Variants in RBBP9 observed in about 807,000 individuals in gnomAD.
The protein encoded by RBBP9 is serine hydrolase RBBP9.
Under a neutral mutation model 24.2 loss-of-function variants are expected in RBBP9, and 20 were observed. The observed-to-expected ratio is 0.83, with a 90% confidence interval of 0.58 to 1.20. The LOEUF (loss-of-function observed/expected upper bound fraction) is 1.20, where lower values mean the gene tolerates loss of function less well. RBBP9 is among the 50% of genes most tolerant of loss of function. The pLI is 0.00. For missense variants in RBBP9, 234 were observed against 233.6 expected (o/e 1.00, Z -0.01); for synonymous variants, 74 against 84.6 (o/e 0.87, Z 0.69).
intron 1 of RBBP9, among the ~76,000 whole-genome samples, chr20:18,496,243 T>C (rs999216035): frequency 7.9e-5 from 12 of 152,166 alleles, no homozygotes; most frequent in African/African-American, 2.9e-4. Context: ...ATACAGAAAT[T>C]TGGAGACAGC....
Position 18,489,777 on chromosome 20 carries a change from T to G in RBBP9, c.548A>C (p.Lys183Thr). 1.2e-6 allele frequency: 2 copies of G among 1,607,376 alleles called. No homozygotes were observed. The highest frequency in any genetic ancestry group is 1.7e-5 in the Admixed American group (1 of 59,982). Residue 183 changes from lysine to threonine, a missense_variant, in exon 5 of 5, where the codon AAA (lysine) becomes ACA (threonine). Coordinates refer to ENST00000337227, the MANE Select transcript of RBBP9 (RefSeq NM_006606.3). ...ELITVVKSLL[K>T]VPA Reference sequence around the variant, plus strand: ...AAATCATACAGTCTATGCTGGTACTTTCAGCAAAGACTTTACAACAGTAAT... The same window carrying G: ...AAATCATACAGTCTATGCTGGTACTGTCAGCAAAGACTTTACAACAGTAAT...
chr20:18,494,631 AC>A (rs1030103875), intron 2 of RBBP9, among the ~76,000 whole-genome samples: 1 of 152,078 alleles, frequency 6.6e-6, no homozygotes, highest in Non-Finnish European at 1.5e-5. Context: ...CAGTGAGCCA[AC>A]ATCACGCCAC....
chr20:18,497,179 G>C lies in RBBP9; in HGVS notation c.-12C>G, dbSNP rs369462555. 5.6e-6 allele frequency: 9 copies of C among 1,606,462 alleles called. No homozygotes were observed. The highest frequency in any genetic ancestry group is 6.8e-6 in the Non-Finnish European group (8 of 1,173,472). On this transcript the variant is annotated 5_prime_UTR_variant, in exon 1 of 5. Coordinates refer to ENST00000337227, the MANE Select transcript of RBBP9 (RefSeq NM_006606.3). Reference sequence around the variant, plus strand: ...CTAGGAGAAGCCATGAGTGCAGCGAGGCCAGAGTTCCCCAGCGCGGGTCCA... The same window carrying C: ...CTAGGAGAAGCCATGAGTGCAGCGACGCCAGAGTTCCCCAGCGCGGGTCCA...
At chr20:18,493,894 G>T in intron 3 of RBBP9, 64 bp downstream of exon 3, 2 of 1,236,450 alleles carry the variant, frequency 1.6e-6, no homozygotes, top group Non-Finnish European at 2.3e-6. Context: ...ATATACGCAA[G>T]GTATTTCTCA....
intron 4 of RBBP9, 136 bp from the exon 5 acceptor site, chr20:18,490,126 T>C: frequency 1.5e-6 from 1 of 683,868 alleles, no homozygotes; most frequent in Middle Eastern, 4.0e-4. Context: ...CTTCTTTTGT[T>C]TTCAAATCTG....
At chr20:18,494,449 T>C (rs1237858904) in intron 2 of RBBP9, among the ~76,000 whole-genome samples, 1 of 151,436 alleles carries the variant, frequency 6.6e-6, no homozygotes, top group Non-Finnish European at 1.5e-5. Flanking sequence ...GAGGCTGAGG[T>C]GGACAGATCA....
intron 3 of RBBP9, among the ~76,000 whole-genome samples, 191 bp downstream of exon 3, chr20:18,493,767 A>C (rs2059873726): frequency 6.6e-6 from 1 of 152,220 alleles, no homozygotes. Context: ...ACTGCATCTC[A>C]ATAAGAGCAG....
rs1406925871 is a variant in RBBP9 at position 18,494,031 on chromosome 20, T to C, written c.175A>G (p.Met59Val). The part of the protein sequence containing the change: ...TARESIWLPF[M>V]ETELHCDEKT... ...TCATCACAGTGCAGCTCTGTCTCCATGAAGGGCAGCCAGATGCTCTCTCGT... is the reference window on the plus strand; with the variant it reads ...TCATCACAGTGCAGCTCTGTCTCCACGAAGGGCAGCCAGATGCTCTCTCGT... Residue 59 changes from methionine to valine, a missense_variant, in exon 3 of 5, where the codon ATG becomes GTG. Physicochemically the swap from Met to Val is conservative, Grantham distance 21 (BLOSUM62 1). Coordinates refer to ENST00000337227, the MANE Select transcript of RBBP9 (RefSeq NM_006606.3). 6.2e-7 allele frequency: 1 copy of C among 1,613,836 alleles called. No homozygotes were observed. Among genetic ancestry groups the C allele is most frequent in the Non-Finnish European group, 8.5e-7 (1 of 1,179,944 alleles).
Position 18,490,265 on chromosome 20 carries a change from G to A in RBBP9, c.334+130C>T. ...AGTGCAAACTTATATCCAAAGATAGGTGGTATATCTTTCTCATATGCTATT... is the reference window on the plus strand; with the variant it reads ...AGTGCAAACTTATATCCAAAGATAGATGGTATATCTTTCTCATATGCTATT... On this transcript the variant is annotated intron_variant, in intron 4 of 4. Coordinates refer to ENST00000337227, the MANE Select transcript of RBBP9 (RefSeq NM_006606.3). The A allele has an allele frequency of 2.6e-5, 19 of 718,788 alleles. 1 individual carries two copies. The South Asian group carries it at 3.2e-4, about 12-fold the overall frequency. 44.5% of individuals were successfully genotyped at this position (718,788 alleles called of 1,614,324 possible). A position where few individuals can be genotyped will look rare whatever the true frequency, so the allele number is the denominator to read the frequency against.
intron 3 of RBBP9, 44 bp downstream of exon 3, chr20:18,493,914 G>T: frequency 1.4e-6 from 2 of 1,438,190 alleles, no homozygotes; most frequent in South Asian, 2.4e-5. Flanking sequence ...AAGCAAGCAT[G>T]ACTGGAGCCC....
At chr20:18,492,218 C>T (rs2059868843) in intron 3 of RBBP9, among the ~76,000 whole-genome samples, 2 of 151,732 alleles carry the variant, frequency 1.3e-5, no homozygotes, top group Non-Finnish European at 1.5e-5. Flanking sequence ...ACCACTATTA[C>T]ACCCAATAAA....
At chr20:18,490,534 A>G (rs1334042931) in intron 3 of RBBP9, 54 bp from the exon 4 acceptor site, 9 of 1,329,378 alleles carry the variant, frequency 6.8e-6, no homozygotes, top group Non-Finnish European at 9.7e-6. Flanking sequence ...CTGATCACCA[A>G]AAAGTCAATA....
In RBBP9 at chr20:18,493,723, T is replaced by C. The variant is rs16979241; in HGVS notation, c.248+235A>G. Among the ~76,000 whole-genome samples, 391 of 152,342 alleles carry C rather than the reference T, an allele frequency of 2.6e-3. 7 individuals are homozygous for C. Among genetic ancestry groups the C allele is most frequent in the Admixed American group, 0.021 (324 of 15,298 alleles). Reference sequence around the variant, plus strand: ...TCAGAGCTGACTGATGGGAAGCTACTGGGGTTTGCAGCCACTTATGCTTTA... The same window carrying C: ...TCAGAGCTGACTGATGGGAAGCTACCGGGGTTTGCAGCCACTTATGCTTTA... On this transcript the variant is annotated intron_variant, in intron 3 of 4. Coordinates refer to ENST00000337227, the MANE Select transcript of RBBP9 (RefSeq NM_006606.3).
chr20:18,493,061 A>C (rs2059871423), intron 3 of RBBP9, among the ~76,000 whole-genome samples: 1 of 152,228 alleles, frequency 6.6e-6, no homozygotes, highest in African/African-American at 2.4e-5. Flanking sequence ...TGACAGCCTA[A>C]GTGACTGCTT....
Position 18,490,288 on chromosome 20 carries a change from A to G in RBBP9, c.334+107T>C, listed in dbSNP as rs902594820. 3 of 843,270 alleles carry G rather than the reference A, an allele frequency of 3.6e-6. No homozygotes were observed. In the Admixed American group the frequency reaches 6.4e-5, roughly 18 times the overall value. The allele number at this position is 843,270 out of a possible 1,614,324, so 52.2% of individuals were successfully genotyped here. A position where few individuals can be genotyped will look rare whatever the true frequency, so the allele number is the denominator to read the frequency against. On this transcript the variant is annotated intron_variant, in intron 4 of 4. Coordinates refer to ENST00000337227, the MANE Select transcript of RBBP9 (RefSeq NM_006606.3). The stretch of plus-strand genomic sequence containing the variant: ...AGGTGGTATATCTTTCTCATATGCT[A>G]TTAGAATTTTTTAGCCTATCTGAAA...
chr20:18,495,960 C>T (rs2059885355), intron 1 of RBBP9, 80 bp from the exon 2 acceptor site: 3 of 1,172,292 alleles, frequency 2.6e-6, no homozygotes, highest in Non-Finnish European at 3.6e-6. Flanking sequence ...AATGAGGCAC[C>T]TGATATGATC....
At position 18,487,858 on chromosome 20, in the gene RBBP9, G is replaced by A. The variant is rs930080868; in HGVS notation, c.*1906C>T. The A allele has an allele frequency of 1.3e-5, 2 of 152,242 alleles. No individual in the cohort carries two copies. The highest frequency in any genetic ancestry group is 4.8e-5 in the African/African-American group (2 of 41,452). 9.4% of individuals were successfully genotyped at this position (152,242 alleles called of 1,614,324 possible). ...TTCACACTACTTGGGAGGCTGAGAT[G>A]AGAATCACTTGAACCCGGGAGGTGC... is the stretch of plus-strand genomic sequence containing the variant. On this transcript the variant is annotated 3_prime_UTR_variant, in exon 5 of 5. Transcript: ENST00000337227.
intron 3 of RBBP9, among the ~76,000 whole-genome samples, chr20:18,492,714 C>T (rs772932347): frequency 1.7e-4 from 26 of 152,192 alleles, no homozygotes; most frequent in Admixed American, 1.2e-3. Context: ...TTAACCCAAT[C>T]GTTTTGGCAT....
chr20:18,491,656 A>C (rs1212191228), intron 3 of RBBP9, among the ~76,000 whole-genome samples: 1 of 152,088 alleles, frequency 6.6e-6, no homozygotes, highest in Admixed American at 6.5e-5. Context: ...CCCTCAGCAA[A>C]GACTGGGATA....
Sources: allele counts gnomAD v4.1 joint callset (sites outside exome capture counted in the v4.1 genomes callset), GRCh38; gene constraint gnomAD v4.1.1; transcripts MANE v1.5; gene names NCBI Gene and HGNC (gene_info 2026-07-23, HGNC 2026-07-21).